The following GSE1 variants were observed in gnomAD, a reference collection of about 807,000 sequenced individuals.
The protein encoded by GSE1 is Gse1 coiled-coil protein.
Under a neutral mutation model 112.6 loss-of-function variants are expected in GSE1, and 32 were observed. That is an observed-to-expected ratio of 0.28 (90% CI 0.21 to 0.38). The LOEUF (loss-of-function observed/expected upper bound fraction) is 0.38, where lower values mean the gene tolerates loss of function less well. Ranked by LOEUF, GSE1 falls within the 10% of genes least tolerant of loss-of-function variation. GSE1 has a pLI of 1.00. For synonymous variants in GSE1, 1,115 were observed against 735.6 expected (o/e 1.52, Z -8.35); for missense variants, 2,348 against 1,699.2 (o/e 1.38, Z -6.71).
At chr16:85,564,581 C>T (rs1452346837) in intron 1 of GSE1, among the ~76,000 whole-genome samples, 1 of 152,212 alleles carries the variant, frequency 6.6e-6, no homozygotes, top group Non-Finnish European at 1.5e-5. Context: ...AACCCACATT[C>T]CTCACCAGTG....
Position 85,237,519 on chromosome 16 carries a change from C to T in GSE1, c.2283+65712C>T, listed in dbSNP as rs1017562140. On this transcript the variant is annotated intron_variant, in intron 1 of 2. Coordinates refer to the GSE1 transcript ENST00000637419. Reference sequence around the variant, plus strand: ...GCACGTGCTTGGGGTTTGGCTTCTCCGTAAGGTACTGGGGAGCCACTGAAA... The same window carrying T: ...GCACGTGCTTGGGGTTTGGCTTCTCTGTAAGGTACTGGGGAGCCACTGAAA... Among the ~76,000 whole-genome samples the T allele has an allele frequency of 2.6e-5, 4 of 151,778 alleles. No homozygotes were observed. The South Asian group carries it at 6.3e-4, about 24-fold the overall frequency.
intron 2 of GSE1, among the ~76,000 whole-genome samples, chr16:85,518,938 TG>T (rs1158809270): frequency 1.3e-5 from 2 of 152,144 alleles, no homozygotes; most frequent in Non-Finnish European, 2.9e-5. Context: ...TTTTCTTCTC[TG>T]GACCTGGATC....
chr16:85,313,996 G>A (rs2045927397), intron 1 of GSE1, among the ~76,000 whole-genome samples: 1 of 151,334 alleles, frequency 6.6e-6, no homozygotes, highest in African/African-American at 2.4e-5. Context: ...GTATGTGTGT[G>A]TGTGTGATAC....
At chr16:85,358,647 A>C (rs1462026763) in intron 2 of GSE1, among the ~76,000 whole-genome samples, 1 of 152,114 alleles carries the variant, frequency 6.6e-6, no homozygotes, top group Non-Finnish European at 1.5e-5. Context: ...CTGCAGGGCA[A>C]CCCCAATACC....
chr16:85,359,766 G>A (rs889659858), intron 2 of GSE1, among the ~76,000 whole-genome samples: 3 of 152,060 alleles, frequency 2.0e-5, no homozygotes, highest in South Asian at 2.1e-4. Context: ...TCTGGCTCCC[G>A]CGCCGAACTC....
chr16:85,436,829 C>T (rs1460171906), intron 2 of GSE1, among the ~76,000 whole-genome samples: 4 of 152,222 alleles, frequency 2.6e-5, no homozygotes, highest in South Asian at 4.1e-4. Flanking sequence ...GGTGGGAGCC[C>T]GCAGGCCAGA....
At chr16:85,249,556 C>T (rs1009404030) in intron 1 of GSE1, among the ~76,000 whole-genome samples, 1 of 152,200 alleles carries the variant, frequency 6.6e-6, no homozygotes, top group African/African-American at 2.4e-5. Flanking sequence ...CCAGCACCAG[C>T]ACCAAGACTT....
At chr16:85,322,304 G>A (rs1468242409) in intron 1 of GSE1, among the ~76,000 whole-genome samples, 1 of 152,232 alleles carries the variant, frequency 6.6e-6, no homozygotes. Flanking sequence ...GGGCGGGCGG[G>A]GGGGAAGGTG....
At chr16:85,637,799 C>T (rs1171560095) in intron 2 of GSE1, among the ~76,000 whole-genome samples, 1 of 151,734 alleles carries the variant, frequency 6.6e-6, no homozygotes, top group African/African-American at 2.4e-5. Flanking sequence ...GGAGTGGGGT[C>T]CCTCTGGTGC....
At chr16:85,615,011 C>A (rs80266873) in intron 1 of GSE1, among the ~76,000 whole-genome samples, 4 of 152,212 alleles carry the variant, frequency 2.6e-5, no homozygotes, top group African/African-American at 7.2e-5. Context: ...GCCGTCTCGT[C>A]CTCTCCTCTG....
chr16:85,298,529 G>A (rs2045430074), intron 1 of GSE1, among the ~76,000 whole-genome samples: 1 of 152,198 alleles, frequency 6.6e-6, no homozygotes, highest in South Asian at 2.1e-4. Context: ...CTGGGTTCAA[G>A]CAATTCTCCT....
At chr16:85,172,121 A>C (rs968182276) in intron 1 of GSE1, among the ~76,000 whole-genome samples, 5 of 152,136 alleles carry the variant, frequency 3.3e-5, no homozygotes, top group Non-Finnish European at 5.9e-5. Flanking sequence ...GGGATCTATC[A>C]AACAGAGGAA....
At chr16:85,609,963 C>T (rs2047893813), upstream of GSE1, among the ~76,000 whole-genome samples, 1 of 152,172 alleles carries the variant, frequency 6.6e-6, no homozygotes, top group South Asian at 2.1e-4. Context: ...CTTAGGAAAG[C>T]TTTTAAATTT....
At chr16:85,576,807 A>G (rs1015783543) in intron 1 of GSE1, among the ~76,000 whole-genome samples, 2 of 152,172 alleles carry the variant, frequency 1.3e-5, no homozygotes, top group African/African-American at 4.8e-5. Context: ...CTTGGGGATC[A>G]TGGTGCTTCT....
At chr16:85,458,669 CAT>C (rs2049897810) in intron 2 of GSE1, among the ~76,000 whole-genome samples, 2 of 152,192 alleles carry the variant, frequency 1.3e-5, no homozygotes, top group Non-Finnish European at 1.5e-5. Context: ...CCTGGGAACT[CAT>C]TAGGAATGCA....
At chr16:85,660,211 G>T (rs751567136) in intron 8 of GSE1, among the ~76,000 whole-genome samples, 1 of 152,236 alleles carries the variant, frequency 6.6e-6, no homozygotes, top group Non-Finnish European at 1.5e-5. Context: ...GCCCTTAGGG[G>T]AATTCACGCA....
In GSE1 at chr16:85,394,228, C is replaced by T. The variant is rs117532727; in HGVS notation, c.2464+36585C>T. Reference sequence around the variant, plus strand: ...TGGGAGGCAGCCGGGGGCCGGGGAGCGAGGTCAAGGCCCGAGAAATTAAAT... The same window carrying T: ...TGGGAGGCAGCCGGGGGCCGGGGAGTGAGGTCAAGGCCCGAGAAATTAAAT... On this transcript the variant is annotated intron_variant, in intron 2 of 2. Coordinates refer to the GSE1 transcript ENST00000637419. Among the ~76,000 whole-genome samples, 573 of 152,120 alleles carry T rather than the reference C, an allele frequency of 3.8e-3. 25 individuals are homozygous for T. The East Asian group carries it at 0.088, about 23-fold the overall frequency.
upstream of GSE1, chr16:85,554,788 AGGGAGGACGGACGGGC>A (rs2045113783): frequency 1.9e-6 from 1 of 532,226 alleles, no homozygotes; most frequent in African/African-American, 9.2e-5. Context: ...GGGGGGAGGG[AGGGAGGACGGACGGGC>A]GGGCGGGCGG....
In GSE1 at chr16:85,666,418, A is replaced by G. The variant is rs1053334757; in HGVS notation, c.3130+71A>G. 3 of 1,494,532 alleles carry G rather than the reference A, an allele frequency of 2.0e-6. No individual in the cohort carries two copies. In the African/African-American group the frequency reaches 4.1e-5, roughly 21 times the overall value. 92.6% of individuals were successfully genotyped at this position (1,494,532 alleles called of 1,614,324 possible). ...GCTGACCAAAGTTGCTGAGCGCCAC[A>G]GCTGCTCAGCCGTTCAGCCGTGGGC... On this transcript the variant is annotated intron_variant, in intron 13 of 15. Transcript: ENST00000253458.
Sources: gnomAD v4.1 joint callset for allele counts (sites outside exome capture counted in the v4.1 genomes callset) on GRCh38, gnomAD v4.1.1 for gene constraint, MANE v1.5 for transcripts, NCBI Gene and HGNC (gene_info 2026-07-23, HGNC 2026-07-21) for gene names.